CHRNA1: variants seen among roughly 807,000 people sequenced by gnomAD.
The protein encoded by CHRNA1 is acetylcholine receptor subunit alpha.
A neutral mutation model predicts 47.1 loss-of-function variants in CHRNA1; 35 were observed. That is an observed-to-expected ratio of 0.74 (90% CI 0.57 to 0.99). The LOEUF (loss-of-function observed/expected upper bound fraction) is 0.99, where lower values mean the gene tolerates loss of function less well. CHRNA1 is among the 50% of genes least tolerant of loss of function. CHRNA1 has a pLI of 0.00. For missense variants in CHRNA1, 506 were observed against 591.1 expected (o/e 0.86, Z 1.49); for synonymous variants, 229 against 223.6 (o/e 1.02, Z -0.22).
rs1389342086 is a variant in CHRNA1 at position 174,748,612 on chromosome 2, C to T, written c.1210G>A (p.Glu404Lys). Residue 404 changes from glutamate to lysine, a missense_variant, in exon 8 of 9, where the codon GAG (glutamate) becomes AAG (lysine). Physicochemically the swap from Glu to Lys is moderately conservative, Grantham distance 56 (BLOSUM62 1). Transcript: ENST00000348749. Reference protein sequence around the residue: ...SAIEGIKYIAETMKSDQESNN... With the variant: ...SAIEGIKYIAKTMKSDQESNN... ...GACTCCTGGTCTGACTTCATGGTCT[C>T]TGCGATGTACTTGATGCCCTCGATG... 6.2e-7 allele frequency: 1 copy of T among 1,613,848 alleles called. No individual in the cohort carries two copies.
chr2:174,763,827 T>TTC (rs10629807), intron 1 of CHRNA1, among the ~76,000 whole-genome samples: 124,104 of 151,922 alleles, frequency 0.82, 51,573 homozygotes, highest in East Asian at 0.94. Flanking sequence ...TAAAAAATAT[T>TTC]TGTCTCTGTG....
chr2:174,752,441 A>G (rs1683873502), intron 6 of CHRNA1, among the ~76,000 whole-genome samples: 1 of 152,098 alleles, frequency 6.6e-6, no homozygotes, highest in African/African-American at 2.4e-5. Context: ...GTGGTGGCAC[A>G]TGCCTGTAGT....
In CHRNA1 at chr2:174,748,348, T is replaced by C. The variant is rs1683776578; in HGVS notation, c.1243-93A>G. The C allele has an allele frequency of 5.8e-6, 9 of 1,554,134 alleles. No homozygotes were observed. In the South Asian group the frequency reaches 1.0e-4, roughly 18 times the overall value. On this transcript the variant is annotated intron_variant, in intron 8 of 8. Coordinates refer to ENST00000348749, the MANE Select transcript of CHRNA1 (RefSeq NM_000079.4). ...TTGCATCAACTATGGGCCCTTCAAT[T>C]TGTAGATCTCAAAGTCCTCCCATCC... is the stretch of plus-strand genomic sequence containing the variant.
In CHRNA1 at chr2:174,748,152, C is replaced by T. The variant is rs757027280; in HGVS notation, c.1346G>A (p.Arg449Gln). The change falls in exon 9 of 9, where the codon CGA becomes CAA. Residue 449 changes from arginine to glutamine, a missense_variant. Arg to Gln is a conservative substitution (Grantham distance 43, BLOSUM62 1). Transcript: ENST00000348749. ...IIGTLAVFAGRLIELNQQG is the reference protein window; with the variant it reads ...IIGTLAVFAGQLIELNQQG ...TCCTTGCTGATTTAATTCAATGAGT[C>T]GACCTGCAAACACGGCTAGGGTTCC... The T allele has an allele frequency of 5.0e-6, 8 of 1,614,062 alleles. No homozygotes were observed. Among genetic ancestry groups the T allele is most frequent in the Admixed American group, 3.3e-5 (2 of 60,020 alleles).
chr2:174,758,122 G>C, intron 3 of CHRNA1: 6 of 1,564,546 alleles, frequency 3.8e-6, no homozygotes, highest in Non-Finnish European at 5.3e-6. Context: ...CATTATAAAA[G>C]TAAAGTCTGG....
At chr2:174,757,996 G>A in intron 3 of CHRNA1, 1 of 1,613,464 alleles carries the variant, frequency 6.2e-7, no homozygotes, top group African/African-American at 1.3e-5. Flanking sequence ...ACGCAGCTGG[G>A]GCGTGGCAGA....
intron 1 of CHRNA1, among the ~76,000 whole-genome samples, chr2:174,762,600 C>T (rs1684120582): frequency 6.6e-6 from 1 of 152,134 alleles, no homozygotes; most frequent in Non-Finnish European, 1.5e-5. Flanking sequence ...TAACTGTGAA[C>T]AAGTTGGAAA....
Position 174,760,022 on chromosome 2 carries a change from C to T in CHRNA1, c.44-389G>A, listed in dbSNP as rs112028758. 5.7e-4 allele frequency among the ~76,000 whole-genome samples: 87 copies of T among 152,210 alleles called. 1 individual carries two copies. Among genetic ancestry groups the T allele is most frequent in the African/African-American group, 1.9e-3 (79 of 41,508 alleles). On this transcript the variant is annotated intron_variant, in intron 1 of 8. Coordinates refer to ENST00000348749, the MANE Select transcript of CHRNA1 (RefSeq NM_000079.4). The stretch of plus-strand genomic sequence containing the variant: ...CAGAGCAGTGTAATGAAATCTTGGA[C>T]TGGCTGCATCAGATCTCAAGATGCC...
chr2:174,747,790 T>A lies in CHRNA1; in HGVS notation c.*334A>T. ...CGTGGTTAGACAAAATAAGTAAATA[T>A]ATAAATATAACAGCAATGACAATGC... On this transcript the variant is annotated 3_prime_UTR_variant, in exon 9 of 9. Transcript: ENST00000348749. 1 of 330,104 alleles carries A rather than the reference T, an allele frequency of 3.0e-6. No individual in the cohort carries two copies. Among genetic ancestry groups the A allele is most frequent in the South Asian group, 2.7e-5 (1 of 37,432 alleles). The allele number at this position is 330,104 out of a possible 1,614,324, so 20.4% of individuals were successfully genotyped here.
intron 1 of CHRNA1, among the ~76,000 whole-genome samples, chr2:174,762,251 C>T (rs1454616735): frequency 3.3e-5 from 5 of 152,176 alleles, no homozygotes; most frequent in Admixed American, 2.6e-4. Context: ...ACTCACAGGG[C>T]TCAAAGTCAG....
At chr2:174,748,878 T>C (rs1683791151) in intron 7 of CHRNA1, 59 bp from the exon 8 acceptor site, 3 of 1,599,204 alleles carry the variant, frequency 1.9e-6, no homozygotes, top group Non-Finnish European at 2.6e-6. Context: ...AGCATAAAAC[T>C]CTGTCTTTGA....
At chr2:174,751,146 G>T (rs1348875112) in intron 6 of CHRNA1, among the ~76,000 whole-genome samples, 1 of 151,768 alleles carries the variant, frequency 6.6e-6, no homozygotes, top group Non-Finnish European at 1.5e-5. Context: ...TTCTTGTTTT[G>T]TTTTTTTTGC....
At chr2:174,759,833 A>C (rs1684067002) in intron 1 of CHRNA1, among the ~76,000 whole-genome samples, 200 bp from the exon 2 acceptor site, 1 of 151,846 alleles carries the variant, frequency 6.6e-6, no homozygotes, top group African/African-American at 2.4e-5. Flanking sequence ...GTGGTCCCTT[A>C]CCCGGTGACA....
In CHRNA1 at chr2:174,749,935, T is replaced by A; in HGVS notation, c.1002+11A>T. 3.1e-6 allele frequency: 5 copies of A among 1,612,326 alleles called. No homozygotes were observed. Among genetic ancestry groups the A allele is most frequent in the Non-Finnish European group, 2.5e-6 (3 of 1,178,720 alleles). On this transcript the variant is annotated intron_variant, in intron 7 of 8. Transcript: ENST00000348749. ...CCTCCGTGTGAAGTCTGCAGGGGCC[T>A]CCCCACTCACCTTCCGCACCCAGTT...
intron 6 of CHRNA1, among the ~76,000 whole-genome samples, chr2:174,752,537 T>C (rs1354678393): frequency 6.6e-6 from 1 of 151,800 alleles, no homozygotes; most frequent in Non-Finnish European, 1.5e-5. Flanking sequence ...GCCACTGTAC[T>C]GCAGCCTGGG....
At chr2:174,759,254 T>C in intron 3 of CHRNA1, 77 bp downstream of exon 3, 2 of 1,406,748 alleles carry the variant, frequency 1.4e-6, no homozygotes, top group Non-Finnish European at 2.0e-6. Flanking sequence ...CTGTTACCCA[T>C]ATTGATTTCC....
chr2:174,754,177 A>G, intron 5 of CHRNA1, 42 bp downstream of exon 5: 1 of 1,596,598 alleles, frequency 6.3e-7, no homozygotes, highest in Non-Finnish European at 8.6e-7. Context: ...CCGAATCACA[A>G]TTTTCCTGAA....
intron 7 of CHRNA1, 141 bp downstream of exon 7, chr2:174,749,805 T>G: frequency 1.4e-6 from 1 of 732,724 alleles, no homozygotes; most frequent in South Asian, 1.6e-5. Context: ...CAAAGAAAGT[T>G]CCTTCCAAAA....
At chr2:174,763,945 T>A (rs1684142801) in intron 1 of CHRNA1, among the ~76,000 whole-genome samples, 1 of 152,182 alleles carries the variant, frequency 6.6e-6, no homozygotes, top group Non-Finnish European at 1.5e-5. Context: ...AGGGACTTGT[T>A]AACTCCATTG....
Sources: allele counts gnomAD v4.1 joint callset (sites outside exome capture counted in the v4.1 genomes callset), GRCh38; gene constraint gnomAD v4.1.1; transcripts MANE v1.5; gene names NCBI Gene and HGNC (gene_info 2026-07-23, HGNC 2026-07-21).